DOP1A: variants seen among roughly 807,000 people sequenced by gnomAD.
The protein encoded by DOP1A is DOP1 leucine zipper like protein A, also known as protein DOP1A.
A neutral mutation model predicts 267.6 loss-of-function variants in DOP1A; 90 were observed. The ratio of observed to expected loss-of-function variants is 0.34; its 90% confidence interval spans 0.28 to 0.40. DOP1A has a LOEUF of 0.40. DOP1A is among the 10% of genes least tolerant of loss of function. The pLI is 1.00. For missense variants in DOP1A, 2,437 were observed against 2,900.4 expected (o/e 0.84, Z 3.67); for synonymous variants, 932 against 999.1 (o/e 0.93, Z 1.27).
At chr6:83,151,468 T>C (rs1781660920) in intron 27 of DOP1A, 125 bp from the exon 28 acceptor site, 2 of 608,602 alleles carry the variant, frequency 3.3e-6, no homozygotes, top group South Asian at 5.3e-5. Flanking sequence ...GATATGTATA[T>C]ATATTAAATA....
At chr6:83,090,722 A>C (rs547300229) in intron 1 of DOP1A, among the ~76,000 whole-genome samples, 1 of 152,330 alleles carries the variant, frequency 6.6e-6, no homozygotes, top group South Asian at 2.1e-4. Flanking sequence ...CTGATCTTTC[A>C]CTACAGATAG....
chr6:83,109,147 A>C, intron 5 of DOP1A, 67 bp downstream of exon 5: 1 of 1,453,664 alleles, frequency 6.9e-7, no homozygotes, highest in South Asian at 1.2e-5. Context: ...TATTTAGGTC[A>C]AATATGTTTT....
chr6:83,125,836 A>C, intron 15 of DOP1A, 103 bp downstream of exon 15: 1 of 1,007,120 alleles, frequency 9.9e-7, no homozygotes, highest in Non-Finnish European at 1.4e-6. Context: ...AATAATAGTG[A>C]GTCTTTCCTA....
intron 3 of DOP1A, among the ~76,000 whole-genome samples, chr6:83,099,739 T>C (rs1454255076): frequency 6.6e-6 from 1 of 151,338 alleles, no homozygotes; most frequent in African/African-American, 2.4e-5. Flanking sequence ...TATACACACG[T>C]ATACATATAT....
intron 8 of DOP1A, 70 bp from the exon 9 acceptor site, chr6:83,119,678 T>C (rs945949012): frequency 8.3e-6 from 11 of 1,317,674 alleles, no homozygotes; most frequent in Non-Finnish European, 1.2e-5. Flanking sequence ...GATTTTGCTG[T>C]TTTGGTATTT....
intron 18 of DOP1A, 142 bp from the exon 19 acceptor site, chr6:83,134,041 TATAA>T (rs750878119): frequency 9.5e-6 from 5 of 528,390 alleles, no homozygotes; most frequent in Admixed American, 7.5e-5. Flanking sequence ...CCATAAAGAA[TATAA>T]ATAAAGTTTA....
At chr6:83,118,804 C>A in intron 7 of DOP1A, 84 bp from the exon 8 acceptor site, 1 of 1,116,168 alleles carries the variant, frequency 9.0e-7, no homozygotes. Flanking sequence ...ATATTCTAAG[C>A]ATATTTCAGG....
intron 1 of DOP1A, among the ~76,000 whole-genome samples, chr6:83,095,036 G>A (rs937527162): frequency 3.9e-5 from 6 of 152,190 alleles, no homozygotes; most frequent in Non-Finnish European, 4.4e-5. Context: ...GGGTTCAAGT[G>A]ATAGTCCTGC....
chr6:83,144,606 A>G (rs1459080185), intron 24 of DOP1A, among the ~76,000 whole-genome samples: 1 of 152,210 alleles, frequency 6.6e-6, no homozygotes. Flanking sequence ...ATGGATTTAA[A>G]TAAAAATATG....
chr6:83,100,567 T>C (rs1367888157), intron 3 of DOP1A, 138 bp from the exon 4 acceptor site: 2 of 475,704 alleles, frequency 4.2e-6, no homozygotes, highest in Non-Finnish European at 7.2e-6. Flanking sequence ...ATTTTAAATA[T>C]GGTATATATA....
intron 38 of DOP1A, chr6:83,167,211 G>C (rs925695116): frequency 7.7e-6 from 7 of 914,722 alleles, no homozygotes; most frequent in Admixed American, 6.2e-5. Context: ...CAAGGGTGCC[G>C]TAAGTATGGC....
At chr6:83,119,459 G>A (rs1775999213) in intron 8 of DOP1A, among the ~76,000 whole-genome samples, 1 of 152,094 alleles carries the variant, frequency 6.6e-6, no homozygotes, top group African/African-American at 2.4e-5. Context: ...CCTAGAGTGA[G>A]GGGACATAAT....
At chr6:83,155,816 G>A (rs1289846992) in intron 33 of DOP1A, 135 bp from the exon 34 acceptor site, 1 of 990,342 alleles carries the variant, frequency 1.0e-6, no homozygotes, top group Non-Finnish European at 1.4e-6. Context: ...GTCTGCCCCA[G>A]AGAGGGGCAT....
intron 1 of DOP1A, among the ~76,000 whole-genome samples, chr6:83,079,436 G>A (rs1035672229): frequency 2.0e-5 from 3 of 151,878 alleles, no homozygotes; most frequent in Non-Finnish European, 4.4e-5. Context: ...ATTAAAATTT[G>A]TTTACAGATA....
chr6:83,165,350 T>C (rs1016452742), intron 38 of DOP1A: 1 of 152,558 alleles, frequency 6.6e-6, no homozygotes, highest in Non-Finnish European at 1.5e-5. Flanking sequence ...TTGGTTTGTT[T>C]TTGACCAGAG....
intron 1 of DOP1A, among the ~76,000 whole-genome samples, chr6:83,077,098 T>A (rs1767232159): frequency 1.3e-5 from 2 of 152,218 alleles, no homozygotes; most frequent in African/African-American, 4.8e-5. Context: ...AATAGAATTG[T>A]TGTTTAATGG....
Position 83,137,972 on chromosome 6 carries a change from G to GA in DOP1A, c.3936dup (p.Ser1313IlefsTer4), listed in dbSNP as rs1431633941. Reference sequence around the variant, plus strand: ...TTGCCAGAAAAAAGGATGATGACAAGAAAAAATCTTCAAATGAAAAACTCA... The same window carrying GA: ...TTGCCAGAAAAAAGGATGATGACAAGAAAAAAATCTTCAAATGAAAAACTCA... On this transcript the variant is annotated frameshift_variant, in exon 21 of 39. Transcript: ENST00000349129. LOFTEE classifies it high-confidence loss of function. 3.7e-6 allele frequency: 6 copies of GA among 1,604,454 alleles called. No homozygotes were observed. Among genetic ancestry groups the GA allele is most frequent in the African/African-American group, 1.3e-5 (1 of 74,130 alleles).
At chr6:83,075,656 A>G (rs1428678754) in intron 1 of DOP1A, among the ~76,000 whole-genome samples, 1 of 152,218 alleles carries the variant, frequency 6.6e-6, no homozygotes, top group African/African-American at 2.4e-5. Flanking sequence ...ATATAGATCA[A>G]TGAAATTGAA....
intron 2 of DOP1A, 38 bp from the exon 3 acceptor site, chr6:83,096,887 C>T: frequency 6.8e-7 from 1 of 1,472,342 alleles, no homozygotes; most frequent in Non-Finnish European, 9.2e-7. Flanking sequence ...CGTTTTAATA[C>T]TTTGTAACCT....
Sources: allele counts gnomAD v4.1 joint callset (sites outside exome capture counted in the v4.1 genomes callset), GRCh38; gene constraint gnomAD v4.1.1; transcripts MANE v1.5; gene names NCBI Gene and HGNC (gene_info 2026-07-23, HGNC 2026-07-21).